The following LHFPL3 variants were observed in gnomAD, a reference collection of about 807,000 sequenced individuals.
LHFPL3 encodes LHFPL tetraspan subfamily member 3 protein.
LHFPL3 carries 5 observed loss-of-function variants against 19.3 expected under a neutral mutation model. The observed-to-expected ratio is 0.26, with a 90% CI of 0.14 to 0.54. The LOEUF is 0.54. LHFPL3 is among the 20% of genes least tolerant of loss of function. LHFPL3 has a pLI of 0.94. For synonymous variants in LHFPL3, 133 were observed against 126.2 expected (o/e 1.05, Z -0.36); for missense variants, 249 against 307.4 (o/e 0.81, Z 1.42).
chr7:104,886,655 GCGC>G, intron 2 of LHFPL3, among the ~76,000 whole-genome samples: 1 of 152,226 alleles, frequency 6.6e-6, no homozygotes, highest in Non-Finnish European at 1.5e-5. Context: ...ATGAACCACT[GCGC>G]CCAGCCTCTT....
intron 2 of LHFPL3, among the ~76,000 whole-genome samples, chr7:104,840,256 T>C: frequency 6.6e-6 from 1 of 150,946 alleles, no homozygotes; most frequent in African/African-American, 2.4e-5. Context: ...CAATTAAAAA[T>C]CATTTTCTTG....
intron 1 of LHFPL3, among the ~76,000 whole-genome samples, chr7:104,638,107 C>G (rs1211254801): frequency 6.6e-6 from 1 of 151,928 alleles, no homozygotes; most frequent in Non-Finnish European, 1.5e-5. Context: ...ATGTTTCACC[C>G]CCTGGTTAGC....
chr7:104,839,443 G>T (rs1415679170), intron 2 of LHFPL3, among the ~76,000 whole-genome samples: 1 of 152,174 alleles, frequency 6.6e-6, no homozygotes, highest in Non-Finnish European at 1.5e-5. Flanking sequence ...GAGGCAGGCA[G>T]ATCACTTGAG....
At chr7:104,516,315 T>C (rs182040431) in intron 1 of LHFPL3, among the ~76,000 whole-genome samples, 145 of 152,164 alleles carry the variant, frequency 9.5e-4, no homozygotes, top group African/African-American at 3.2e-3. Context: ...GATTCAGTTA[T>C]CTCCCACTGG....
chr7:104,389,488 G>T (rs925014712), intron 1 of LHFPL3, among the ~76,000 whole-genome samples: 1 of 152,070 alleles, frequency 6.6e-6, no homozygotes, highest in African/African-American at 2.4e-5. Context: ...AACCTCCAGT[G>T]GTTCCTTTGT....
At chr7:104,747,744 C>T (rs1357923769) in intron 2 of LHFPL3, among the ~76,000 whole-genome samples, 1 of 152,200 alleles carries the variant, frequency 6.6e-6, no homozygotes, top group African/African-American at 2.4e-5. Flanking sequence ...GTGACACCCA[C>T]AGCAAGCCTT....
rs542638565 is a variant in LHFPL3, at chr7:104,847,148, A to G, written c.683-59039A>G. Among the ~76,000 whole-genome samples the G allele has an allele frequency of 2.6e-5, 4 of 152,290 alleles. No homozygotes were observed. The East Asian group carries it at 7.7e-4, about 29-fold the overall frequency. Reference sequence around the variant, plus strand: ...GGCAAGCTCCGGTTTGGTCATCTCAAATCTGCCAATTTCAGTAGTTTGGGG... The same window carrying G: ...GGCAAGCTCCGGTTTGGTCATCTCAGATCTGCCAATTTCAGTAGTTTGGGG... On this transcript the variant is annotated intron_variant, in intron 2 of 2. Coordinates refer to ENST00000424859, the MANE Select transcript of LHFPL3 (RefSeq NM_199000.3).
chr7:104,833,436 C>T (rs1475199464), intron 2 of LHFPL3, among the ~76,000 whole-genome samples: 1 of 50,350 alleles, frequency 2.0e-5, no homozygotes, highest in Non-Finnish European at 3.5e-5. Flanking sequence ...TATATATATG[C>T]TCCTCAAGCT....
chr7:104,438,480 A>G (rs1030807283), intron 1 of LHFPL3, among the ~76,000 whole-genome samples: 1 of 152,214 alleles, frequency 6.6e-6, no homozygotes, highest in Non-Finnish European at 1.5e-5. Context: ...ATAATTCTTT[A>G]TGAATTTTGT....
intron 1 of LHFPL3, among the ~76,000 whole-genome samples, chr7:104,591,270 T>C (rs6959823): frequency 0.035 from 5,283 of 152,274 alleles, 310 homozygotes; most frequent in African/African-American, 0.12. Context: ...CCTTTCCATG[T>C]TTAGTGCTTC....
chr7:104,604,144 G>A lies in LHFPL3; in HGVS notation c.446-132531G>A, dbSNP rs977890201. On this transcript the variant is annotated intron_variant, in intron 1 of 2. Coordinates refer to ENST00000424859, the MANE Select transcript of LHFPL3 (RefSeq NM_199000.3). ...ATCCTTTGAAATCTAGGTGGAGACC[G>A]CCATGGCCCCACAGCTCATGCACTC... Among the ~76,000 whole-genome samples the A allele has an allele frequency of 5.3e-5, 8 of 152,126 alleles. 1 individual carries two copies. The highest frequency in any genetic ancestry group is 1.3e-4 in the Admixed American group (2 of 15,272).
intron 1 of LHFPL3, among the ~76,000 whole-genome samples, chr7:104,384,612 C>A (rs1219053339): frequency 6.6e-6 from 1 of 151,164 alleles, no homozygotes; most frequent in Non-Finnish European, 1.5e-5. Context: ...CATGGAGAAA[C>A]CCCATCTCTA....
intron 1 of LHFPL3, among the ~76,000 whole-genome samples, chr7:104,628,441 C>T (rs1443170647): frequency 2.6e-5 from 4 of 152,160 alleles, no homozygotes; most frequent in Non-Finnish European, 5.9e-5. Flanking sequence ...CGCCAAGCAA[C>T]AGAAGTCAAA....
intron 1 of LHFPL3, among the ~76,000 whole-genome samples, chr7:104,723,965 G>A (rs979298442): frequency 1.3e-5 from 2 of 152,094 alleles, no homozygotes; most frequent in African/African-American, 4.8e-5. Flanking sequence ...ATACTGTAAT[G>A]TTTACTATTG....
At chr7:104,429,171 A>G (rs1562894557) in intron 1 of LHFPL3, among the ~76,000 whole-genome samples, 2 of 149,990 alleles carry the variant, frequency 1.3e-5, no homozygotes, top group Non-Finnish European at 2.9e-5. Flanking sequence ...AAACTAAAGG[A>G]AAAAAAATTA....
At chr7:104,503,298 A>G (rs1793636479) in intron 1 of LHFPL3, among the ~76,000 whole-genome samples, 1 of 152,138 alleles carries the variant, frequency 6.6e-6, no homozygotes, top group Admixed American at 6.5e-5. Flanking sequence ...AAACACACGC[A>G]CACATATATG....
At chr7:104,401,056 A>G (rs79337762) in intron 1 of LHFPL3, among the ~76,000 whole-genome samples, 6,205 of 152,326 alleles carry the variant, frequency 0.041, 435 homozygotes, top group African/African-American at 0.14. Context: ...GCCTAAGACC[A>G]GTCTGGGGAT....
intron 1 of LHFPL3, chr7:104,668,991 G>A (rs1231839597): frequency 1.1e-5 from 18 of 1,612,084 alleles, no homozygotes; most frequent in Non-Finnish European, 1.5e-5. Context: ...AACGGGAACG[G>A]TCGAGGACAG....
At chr7:104,453,780 A>G (rs1277186246) in intron 1 of LHFPL3, among the ~76,000 whole-genome samples, 2 of 151,766 alleles carry the variant, frequency 1.3e-5, no homozygotes, top group Non-Finnish European at 2.9e-5. Context: ...TTCTCATGAG[A>G]TCTGGTCATT....
Sources: allele counts gnomAD v4.1 joint callset (sites outside exome capture counted in the v4.1 genomes callset), GRCh38; gene constraint gnomAD v4.1.1; transcripts MANE v1.5; gene names NCBI Gene and HGNC (gene_info 2026-07-23, HGNC 2026-07-21).